The following RTN1 variants were observed in gnomAD, a reference collection of about 807,000 sequenced individuals.
RTN1 encodes the protein reticulon 1, also known as reticulon-1.
A neutral mutation model predicts 65.5 loss-of-function variants in RTN1; 25 were observed. The observed-to-expected ratio is 0.38, with a 90% confidence interval of 0.28 to 0.53. The LOEUF is 0.53. Among genes scored for constraint, RTN1 ranks in the 20% least tolerant of loss-of-function variants. RTN1 has a pLI of 0.79. For missense variants in RTN1, 983 were observed against 1,025.4 expected, an observed-to-expected ratio of 0.96 and a Z score of 0.57; for synonymous variants, 471 against 447.6, an observed-to-expected ratio of 1.05 and a Z score of -0.66.
At chr14:59,858,680 G>T (rs938820392) in intron 1 of RTN1, among the ~76,000 whole-genome samples, 13 of 152,034 alleles carry the variant, frequency 8.6e-5, no homozygotes, top group African/African-American at 3.1e-4. Flanking sequence ...AATTCTTCCA[G>T]CTAAAAATTT....
chr14:59,740,913 A>G (rs1368921786), intron 2 of RTN1, among the ~76,000 whole-genome samples: 1 of 151,550 alleles, frequency 6.6e-6, no homozygotes, highest in East Asian at 1.9e-4. Context: ...ATCAGATAAA[A>G]TAGGAAAATT....
chr14:59,675,527 C>T (rs1883608326), intron 3 of RTN1, among the ~76,000 whole-genome samples: 1 of 149,584 alleles, frequency 6.7e-6, no homozygotes, highest in Non-Finnish European at 1.5e-5. Context: ...TTTCATTTAA[C>T]ACTCACAATT....
intron 3 of RTN1, among the ~76,000 whole-genome samples, chr14:59,612,847 C>T (rs1881995260): frequency 6.6e-6 from 1 of 152,182 alleles, no homozygotes; most frequent in Non-Finnish European, 1.5e-5. Context: ...AAAAGCTTTC[C>T]AAGCTTGAAA....
chr14:59,686,329 C>T (rs10150222), intron 3 of RTN1, among the ~76,000 whole-genome samples: 2,862 of 152,042 alleles, frequency 0.019, 97 homozygotes, highest in African/African-American at 0.064. Flanking sequence ...GAAATGATAT[C>T]GAATTTAAAA....
intron 2 of RTN1, among the ~76,000 whole-genome samples, chr14:59,745,065 C>T (rs1885188540): frequency 6.6e-6 from 1 of 152,082 alleles, no homozygotes; most frequent in Non-Finnish European, 1.5e-5. Context: ...AATGGATTAT[C>T]ATGGAAATGT....
In RTN1 at chr14:59,609,178, G is replaced by A. The variant is rs957387150; in HGVS notation, c.1766-1686C>T. On this transcript the variant is annotated intron_variant, in intron 3 of 8. Coordinates refer to ENST00000267484, the MANE Select transcript of RTN1 (RefSeq NM_021136.3). Reference sequence around the variant, plus strand: ...CAGGCACCTGTAATCCCAGCGACTCGGGAGGCTGAGGCAGAAGAATCGCTT... The same window carrying A: ...CAGGCACCTGTAATCCCAGCGACTCAGGAGGCTGAGGCAGAAGAATCGCTT... 1.2e-4 allele frequency among the ~76,000 whole-genome samples: 18 copies of A among 152,038 alleles called. 1 individual carries two copies. The highest frequency in any genetic ancestry group is 1.0e-3 in the Admixed American group (16 of 15,264).
intron 3 of RTN1, among the ~76,000 whole-genome samples, chr14:59,684,077 CA>C (rs1186931103): frequency 1.3e-5 from 2 of 152,002 alleles, no homozygotes; most frequent in Non-Finnish European, 2.9e-5. Flanking sequence ...GTTATAATCA[CA>C]AAAAGAGAAA....
intron 2 of RTN1, among the ~76,000 whole-genome samples, chr14:59,742,831 C>T (rs991642330): frequency 6.6e-6 from 1 of 152,150 alleles, no homozygotes; most frequent in African/African-American, 2.4e-5. Context: ...AGTCCATATC[C>T]TCTACTGTCT....
intron 2 of RTN1, among the ~76,000 whole-genome samples, chr14:59,737,995 T>C (rs1885034981): frequency 6.6e-6 from 1 of 152,154 alleles, no homozygotes; most frequent in Non-Finnish European, 1.5e-5. Context: ...TCCTTACACA[T>C]GTACAAAAAT....
At chr14:59,704,728 A>G (rs1884254382) in intron 3 of RTN1, among the ~76,000 whole-genome samples, 1 of 152,188 alleles carries the variant, frequency 6.6e-6, no homozygotes, top group African/African-American at 2.4e-5. Flanking sequence ...TGGCAGTGAA[A>G]GCATCTTGGG....
In RTN1 at chr14:59,726,960, G is replaced by C. The variant is rs776216828; in HGVS notation, c.1724C>G (p.Pro575Arg). The change falls in exon 3 of 9, where the codon CCT (proline) becomes CGT (arginine). Residue 575 changes from proline to arginine, a missense_variant. Around this residue, in one of 2 missense-constraint regions of RTN1, gnomAD observed 818 missense variants for 801.8 expected, o/e 1.02. Transcript: ENST00000267484. ...AATKGPGPLG[P>R]GAPPPLLFLN... ...AAACAGCAGTGGGGGCGGGGCGCCA[G>C]GACCTAGAGGCCCAGGGCCCTTTGT... 1.2e-6 allele frequency: 2 copies of C among 1,613,248 alleles called. No homozygotes were observed. Among genetic ancestry groups the C allele is most frequent in the South Asian group, 1.1e-5 (1 of 90,928 alleles).
At position 59,836,780 on chromosome 14, in the gene RTN1, C is replaced by T. The variant is rs7140989; in HGVS notation, c.241+33610G>A. Reference sequence around the variant, plus strand: ...AAAGCCAATGCTGAGCGGGGTGACACATCGCAGGGGTGCTTAGACAAACCA... The same window carrying T: ...AAAGCCAATGCTGAGCGGGGTGACATATCGCAGGGGTGCTTAGACAAACCA... On this transcript the variant is annotated intron_variant, in intron 1 of 8. Coordinates refer to ENST00000267484, the MANE Select transcript of RTN1 (RefSeq NM_021136.3). This position sits in a 1 kb window ranked among gnomAD's most constrained non-coding sequence, Gnocchi z 4.9. 0.13 allele frequency among the ~76,000 whole-genome samples: 20,343 copies of T among 152,038 alleles called. 1,588 individuals carry two copies. Among genetic ancestry groups the T allele is most frequent in the South Asian group, 0.26 (1,230 of 4,816 alleles).
chr14:59,809,751 A>G (rs575946136), intron 1 of RTN1, among the ~76,000 whole-genome samples: 2 of 152,202 alleles, frequency 1.3e-5, no homozygotes, highest in Non-Finnish European at 2.9e-5. Context: ...CCACACGTGC[A>G]AAGCAGCTGA....
chr14:59,834,405 G>A lies in RTN1; in HGVS notation c.241+35985C>T, dbSNP rs892116684. Among the ~76,000 whole-genome samples the A allele has an allele frequency of 2.6e-5, 4 of 152,116 alleles. No individual in the cohort carries two copies. In the South Asian group the frequency reaches 8.3e-4, roughly 32 times the overall value. ...AAACTTGTCCTCTTTAAAAGAGACTGTTAAGAGAATGAAAAGACAAGCCAC... is the reference window on the plus strand; with the variant it reads ...AAACTTGTCCTCTTTAAAAGAGACTATTAAGAGAATGAAAAGACAAGCCAC... On this transcript the variant is annotated intron_variant, in intron 1 of 8. Transcript: ENST00000267484.
intron 3 of RTN1, among the ~76,000 whole-genome samples, chr14:59,628,648 T>G (rs983909429): frequency 6.6e-6 from 1 of 152,184 alleles, no homozygotes; most frequent in African/African-American, 2.4e-5. Flanking sequence ...TCAATGATCT[T>G]CAATTAATCT....
At chr14:59,801,005 A>G (rs1886536482) in intron 1 of RTN1, among the ~76,000 whole-genome samples, 1 of 152,150 alleles carries the variant, frequency 6.6e-6, no homozygotes, top group South Asian at 2.1e-4. Flanking sequence ...GGAAAGAATC[A>G]GTGAACTAAA....
chr14:59,695,652 T>A (rs1884048031), intron 3 of RTN1, among the ~76,000 whole-genome samples: 1 of 152,108 alleles, frequency 6.6e-6, no homozygotes. Context: ...ATTTATTTGT[T>A]ACAAACTAGA....
intron 1 of RTN1, among the ~76,000 whole-genome samples, chr14:59,851,989 T>C (rs1455468582): frequency 6.6e-6 from 1 of 152,244 alleles, no homozygotes; most frequent in East Asian, 1.9e-4. Flanking sequence ...GCATTTGCTC[T>C]TTCCAGACTT....
At chr14:59,617,866 C>T (rs531604739) in intron 3 of RTN1, among the ~76,000 whole-genome samples, 26 of 152,172 alleles carry the variant, frequency 1.7e-4, no homozygotes, top group Admixed American at 7.9e-4. Context: ...ACTCTTCTCA[C>T]CTTGGGGTTC....
Sources: gnomAD v4.1 joint callset for allele counts (sites outside exome capture counted in the v4.1 genomes callset) on GRCh38, gnomAD v4.1.1 for gene constraint, gnomAD v4.1.1 regional missense constraint, Gnocchi (gnomAD v3.1) non-coding constraint, MANE v1.5 for transcripts, NCBI Gene and HGNC (gene_info 2026-07-23, HGNC 2026-07-21) for gene names.